PMAIP1: variants seen among roughly 807,000 people sequenced by gnomAD.
PMAIP1 encodes PMA-induced protein 1.
In PMAIP1, 3 loss-of-function variants were observed where a neutral mutation model predicts 3.7. That is an observed-to-expected ratio of 0.82 (90% confidence interval 0.37 to 2.12). PMAIP1 has a LOEUF of 2.12. PMAIP1 is among the 30% of genes most tolerant of loss of function. The pLI is 0.06. For missense variants in PMAIP1, 77 were observed against 67.1 expected, an observed-to-expected ratio of 1.15 and a Z score of -0.52; for synonymous variants, 29 against 26.2, an observed-to-expected ratio of 1.11 and a Z score of -0.32.
chr18:59,900,655 C>T (rs1256259564), intron 1 of PMAIP1: 23 of 1,478,196 alleles, frequency 1.6e-5, no homozygotes, highest in Non-Finnish European at 2.1e-5. Context: ...CGCCTGGACT[C>T]CCAGCGCTTC....
chr18:59,902,589 C>T, intron 1 of PMAIP1, 58 bp from the exon 2 acceptor site: 1 of 1,441,286 alleles, frequency 6.9e-7, no homozygotes. Flanking sequence ...TTAGGTTTTG[C>T]TGGTTACAGT....
chr18:59,900,422 C>T (rs1295800888), intron 1 of PMAIP1, 187 bp downstream of exon 1: 4 of 1,550,142 alleles, frequency 2.6e-6, no homozygotes, highest in Non-Finnish European at 3.5e-6. Flanking sequence ...CGGGGTTTTT[C>T]CCCAGGACCG....
intron 1 of PMAIP1, among the ~76,000 whole-genome samples, chr18:59,901,919 C>T (rs911461421): frequency 1.3e-5 from 2 of 152,106 alleles, no homozygotes; most frequent in African/African-American, 4.8e-5. Flanking sequence ...TTAAACATTG[C>T]TTATTTTCTG....
In PMAIP1 at chr18:59,904,101, G is replaced by T. The variant is rs1469809466; in HGVS notation, c.*1348G>T. The T allele has an allele frequency of 6.6e-6, 1 of 151,952 alleles. No homozygotes were observed. The highest frequency in any genetic ancestry group is 1.9e-4 in the East Asian group (1 of 5,198). 9.4% of individuals were successfully genotyped at this position (151,952 alleles called of 1,614,324 possible). On this transcript the variant is annotated 3_prime_UTR_variant, in exon 2 of 2. Transcript: ENST00000316660. ...TAGTTAAAATGTCTTAATGTAGGTT[G>T]TAGTCACTTTAGATGGAAAATTACC...
chr18:59,901,458 C>T (rs2143560877), intron 1 of PMAIP1, among the ~76,000 whole-genome samples: 2 of 152,234 alleles, frequency 1.3e-5, no homozygotes. Flanking sequence ...TACTTCCCAA[C>T]ATATTTGATC....
intron 1 of PMAIP1, chr18:59,900,642 G>A: frequency 6.6e-7 from 1 of 1,513,612 alleles, no homozygotes; most frequent in Non-Finnish European, 8.9e-7. Flanking sequence ...GAGCCCCGGG[G>A]ACCGCCTGGA....
In PMAIP1 at chr18:59,900,032, C is replaced by G. The variant is rs1374505670; in HGVS notation, c.-146C>G. 2.6e-6 allele frequency: 2 copies of G among 766,240 alleles called. No individual in the cohort carries two copies. The highest frequency in any genetic ancestry group is 3.9e-6 in the Non-Finnish European group (2 of 507,948). The allele number at this position is 766,240 out of a possible 1,614,324, so 47.5% of individuals were successfully genotyped here. A position where few individuals can be genotyped will look rare whatever the true frequency, so the allele number is the denominator to read the frequency against. ...GGCACTCACCGTGTGTAGTTGGCAT[C>G]TCCGCGCGTCCGGACACCCGATCCC... On this transcript the variant is annotated 5_prime_UTR_variant, in exon 1 of 2. It adds an upstream start codon to the 5' untranslated region. Coordinates refer to ENST00000316660, the MANE Select transcript of PMAIP1 (RefSeq NM_021127.3).
chr18:59,901,848 C>T (rs957378678), intron 1 of PMAIP1, among the ~76,000 whole-genome samples: 3 of 152,088 alleles, frequency 2.0e-5, no homozygotes, highest in Admixed American at 2.0e-4. Context: ...AAATTATAAG[C>T]ATCATTTTTC....
In PMAIP1 at chr18:59,903,378, T is replaced by C. The variant is rs926927156; in HGVS notation, c.*625T>C. On this transcript the variant is annotated 3_prime_UTR_variant, in exon 2 of 2. Coordinates refer to ENST00000316660, the MANE Select transcript of PMAIP1 (RefSeq NM_021127.3). ...TTCAGATGATCTTTCATTCAATGTG[T>C]TCCTGTTGGGCGTTACTAGAAACTA... 4 of 153,964 alleles carry C rather than the reference T, an allele frequency of 2.6e-5. No homozygotes were observed. Among genetic ancestry groups the C allele is most frequent in the African/African-American group, 9.6e-5 (4 of 41,460 alleles). 9.5% of individuals were successfully genotyped at this position (153,964 alleles called of 1,614,324 possible).
intron 1 of PMAIP1, among the ~76,000 whole-genome samples, chr18:59,902,406 G>A (rs534797294): frequency 1.2e-4 from 18 of 152,266 alleles, no homozygotes; most frequent in African/African-American, 4.3e-4. Context: ...TCCAGGATGC[G>A]TTTTTTAAAA....
chr18:59,900,438 T>A (rs760650527), intron 1 of PMAIP1: 1 of 1,512,812 alleles, frequency 6.6e-7, no homozygotes, highest in East Asian at 2.4e-5. Context: ...GACCGGCGGG[T>A]ACGGCGGGTA....
chr18:59,900,536 C>A, intron 1 of PMAIP1: 1 of 1,550,522 alleles, frequency 6.4e-7, no homozygotes, highest in Non-Finnish European at 8.7e-7. Flanking sequence ...CTTTCCTCCT[C>A]GCCACTTGCC....
In PMAIP1 at chr18:59,901,049, A is replaced by T. The variant is rs188386418; in HGVS notation, c.58+814A>T. On this transcript the variant is annotated intron_variant, in intron 1 of 1. Coordinates refer to ENST00000316660, the MANE Select transcript of PMAIP1 (RefSeq NM_021127.3). ...ATGTGACCATGCCTAAGTTGGTAACAGGCTGCTGTCTCTGGCGCTTGTGTG... is the reference window on the plus strand; with the variant it reads ...ATGTGACCATGCCTAAGTTGGTAACTGGCTGCTGTCTCTGGCGCTTGTGTG... 6.6e-5 allele frequency among the ~76,000 whole-genome samples: 10 copies of T among 152,286 alleles called. No individual in the cohort carries two copies. The East Asian group carries it at 1.9e-3, about 29-fold the overall frequency.
chr18:59,904,103 A>G lies in PMAIP1; in HGVS notation c.*1350A>G, dbSNP rs574941137. 6 of 152,290 alleles carry G rather than the reference A, an allele frequency of 3.9e-5. No individual in the cohort carries two copies. The highest frequency in any genetic ancestry group is 7.4e-5 in the Non-Finnish European group (5 of 67,998). The allele number at this position is 152,290 out of a possible 1,614,324, so 9.4% of individuals were successfully genotyped here. On this transcript the variant is annotated 3_prime_UTR_variant, in exon 2 of 2. Transcript: ENST00000316660. ...GTTAAAATGTCTTAATGTAGGTTGT[A>G]GTCACTTTAGATGGAAAATTACCTC...
rs780859507 is a variant in PMAIP1, at chr18:59,902,894, T to G, written c.*141T>G. Reference sequence around the variant, plus strand: ...CATGGGTGCCCTTGGAAACGGAAGATGGAATACATCAAAGTGAATTTCTGT... The same window carrying G: ...CATGGGTGCCCTTGGAAACGGAAGAGGGAATACATCAAAGTGAATTTCTGT... On this transcript the variant is annotated 3_prime_UTR_variant, in exon 2 of 2. Coordinates refer to ENST00000316660, the MANE Select transcript of PMAIP1 (RefSeq NM_021127.3). 5 of 1,335,910 alleles carry G rather than the reference T, an allele frequency of 3.7e-6. No individual in the cohort carries two copies. In the East Asian group the frequency reaches 1.2e-4, roughly 33 times the overall value. 82.8% of individuals were successfully genotyped at this position (1,335,910 alleles called of 1,614,324 possible).
intron 1 of PMAIP1, 102 bp from the exon 2 acceptor site, chr18:59,902,545 C>T: frequency 4.2e-6 from 4 of 956,340 alleles, no homozygotes; most frequent in Non-Finnish European, 6.6e-6. Context: ...GAAATGCTTC[C>T]TGGGATACTC....
chr18:59,900,451 G>C, intron 1 of PMAIP1: 1 of 1,546,284 alleles, frequency 6.5e-7, no homozygotes, highest in Non-Finnish European at 8.7e-7. Context: ...GGCGGGTACG[G>C]CGAGGGACCA....
At position 59,903,249 on chromosome 18, in the gene PMAIP1, ACT is replaced by A. The variant is rs1477101904; in HGVS notation, c.*498_*499del. ...CATATTACCTTGTTATAATGAAAAA[ACT>A]CATTCTGAGAACACTGAAATGTTAT... On this transcript the variant is annotated 3_prime_UTR_variant, in exon 2 of 2. Coordinates refer to ENST00000316660, the MANE Select transcript of PMAIP1 (RefSeq NM_021127.3). 3 of 183,854 alleles carry A rather than the reference ACT, an allele frequency of 1.6e-5. No homozygotes were observed. Among genetic ancestry groups the A allele is most frequent in the African/African-American group, 7.1e-5 (3 of 42,062 alleles). 11.4% of individuals were successfully genotyped at this position (183,854 alleles called of 1,614,324 possible).
At chr18:59,900,785 CATT>C in intron 1 of PMAIP1, 1 of 555,108 alleles carries the variant, frequency 1.8e-6, no homozygotes, top group South Asian at 2.4e-5. Context: ...TCCTTTTTTT[CATT>C]CATTCATTCG....
Sources: allele counts gnomAD v4.1 joint callset (sites outside exome capture counted in the v4.1 genomes callset), GRCh38; gene constraint gnomAD v4.1.1; transcripts MANE v1.5; gene names NCBI Gene and HGNC (gene_info 2026-07-23, HGNC 2026-07-21).